The following CLPTM1L variants were observed in gnomAD, a reference collection of about 807,000 sequenced individuals.
CLPTM1L encodes the protein lipid scramblase CLPTM1L.
A neutral mutation model predicts 70.9 loss-of-function variants in CLPTM1L; 38 were observed. The observed-to-expected ratio is 0.54, with a 90% CI of 0.41 to 0.70. CLPTM1L has a LOEUF of 0.70. CLPTM1L is among the 30% of genes least tolerant of loss of function. The pLI, the probability that CLPTM1L is intolerant of heterozygous loss-of-function variation, is 0.00. For synonymous variants in CLPTM1L, 339 were observed against 299.9 expected, an observed-to-expected ratio of 1.13 and a Z score of -1.35; for missense variants, 652 against 705.9, an observed-to-expected ratio of 0.92 and a Z score of 0.87.
At chr5:1,333,814 C>G (rs1347493693) in intron 7 of CLPTM1L, among the ~76,000 whole-genome samples, 1 of 148,432 alleles carries the variant, frequency 6.7e-6, no homozygotes, top group African/African-American at 2.5e-5. Flanking sequence ...TAAGGGGGAA[C>G]TACTGTATAC....
At chr5:1,327,134 A>G (rs71213496) in intron 9 of CLPTM1L, among the ~76,000 whole-genome samples, 70 of 147,540 alleles carry the variant, frequency 4.7e-4, no homozygotes, top group Admixed American at 1.4e-3. Flanking sequence ...CCTCCTCTAC[A>G]GACACATTTC....
At chr5:1,319,665 C>T (rs1016714679) in intron 16 of CLPTM1L, among the ~76,000 whole-genome samples, 1 of 152,196 alleles carries the variant, frequency 6.6e-6, no homozygotes, top group African/African-American at 2.4e-5. Flanking sequence ...GGGAAGGGCA[C>T]AGGGAAGTGT....
chr5:1,339,054 C>A, intron 3 of CLPTM1L, 49 bp from the exon 4 acceptor site: 1 of 1,591,876 alleles, frequency 6.3e-7, no homozygotes, highest in South Asian at 1.1e-5. Flanking sequence ...AAAACCATGC[C>A]CAGGACAGCA....
Position 1,335,020 on chromosome 5 carries a change from C to T in CLPTM1L, c.796+37G>A, listed in dbSNP as rs190188803. ...CTTGGATGCCCGAGGGGCTCCAGGG[C>T]GGCCTCACCCAGGCGCCGGCCGTGT... On this transcript the variant is annotated intron_variant, in intron 6 of 16. Coordinates refer to ENST00000320895, the MANE Select transcript of CLPTM1L (RefSeq NM_030782.5). The T allele has an allele frequency of 6.1e-5, 93 of 1,535,856 alleles. 1 individual carries two copies. The highest frequency in any genetic ancestry group is 5.6e-4 in the African/African-American group (41 of 73,496).
chr5:1,335,032 G>A, intron 6 of CLPTM1L, 25 bp downstream of exon 6: 1 of 1,596,878 alleles, frequency 6.3e-7, no homozygotes, highest in South Asian at 1.1e-5. Flanking sequence ...GCCTCACCCA[G>A]GCGCCGGCCG....
chr5:1,334,770 C>T (rs1753451509), intron 6 of CLPTM1L, among the ~76,000 whole-genome samples: 1 of 152,036 alleles, frequency 6.6e-6, no homozygotes, highest in Non-Finnish European at 1.5e-5. Flanking sequence ...AACAAACAAA[C>T]AAACAAACAA....
In CLPTM1L at chr5:1,322,858, G is replaced by A. The variant is rs748444750; in HGVS notation, c.1315+19C>T. The A allele has an allele frequency of 4.3e-6, 7 of 1,612,776 alleles. No individual in the cohort carries two copies. The African/African-American group carries it at 8.0e-5, about 18-fold the overall frequency. Reference sequence around the variant, plus strand: ...TGCTGGAAACACTAGTACTGAAGCAGGGAAGCACATGGACTCACCGTTGAC... The same window carrying A: ...TGCTGGAAACACTAGTACTGAAGCAAGGAAGCACATGGACTCACCGTTGAC... On this transcript the variant is annotated intron_variant, in intron 13 of 16. Coordinates refer to ENST00000320895, the MANE Select transcript of CLPTM1L (RefSeq NM_030782.5).
chr5:1,325,620 C>T, intron 10 of CLPTM1L, 131 bp downstream of exon 10: 1 of 734,810 alleles, frequency 1.4e-6, no homozygotes, highest in Admixed American at 2.2e-5. Flanking sequence ...AGTGCTGCCT[C>T]CACCACGGAG....
chr5:1,322,345 G>A (rs1426186514), intron 13 of CLPTM1L, among the ~76,000 whole-genome samples: 2 of 152,208 alleles, frequency 1.3e-5, no homozygotes, highest in Non-Finnish European at 2.9e-5. Flanking sequence ...TGCCACCTGG[G>A]GCAGGCGGGC....
intron 7 of CLPTM1L, among the ~76,000 whole-genome samples, chr5:1,332,923 G>A (rs1408464297): frequency 6.6e-6 from 1 of 152,094 alleles, no homozygotes; most frequent in Non-Finnish European, 1.5e-5. Context: ...AACACCAGAT[G>A]AGGATAAGGG....
At chr5:1,330,427 C>A (rs1165979210) in intron 8 of CLPTM1L, 44 bp from the exon 9 acceptor site, 3 of 1,525,810 alleles carry the variant, frequency 2.0e-6, no homozygotes, top group Non-Finnish European at 1.8e-6. Flanking sequence ...CAGGGCAGAC[C>A]CCACCTGTGT....
intron 3 of CLPTM1L, among the ~76,000 whole-genome samples, chr5:1,340,260 G>C (rs898539750): frequency 2.0e-5 from 3 of 152,246 alleles, no homozygotes; most frequent in African/African-American, 7.2e-5. Flanking sequence ...ACACAGCCCT[G>C]TGGCTGTAAG....
At chr5:1,331,720 G>T in intron 8 of CLPTM1L, 79 bp downstream of exon 8, 1 of 1,237,226 alleles carries the variant, frequency 8.1e-7, no homozygotes. Context: ...CAGCAGTGAG[G>T]CAGGCAGCCC....
At chr5:1,320,468 G>A in intron 16 of CLPTM1L, 148 bp downstream of exon 16, 1 of 498,352 alleles carries the variant, frequency 2.0e-6, no homozygotes, top group Non-Finnish European at 3.6e-6. Flanking sequence ...CCCAAGTTTA[G>A]GCAAGACAGG....
chr5:1,336,850 G>A (rs1048763449), intron 5 of CLPTM1L, among the ~76,000 whole-genome samples: 8 of 152,322 alleles, frequency 5.3e-5, no homozygotes, highest in African/African-American at 7.2e-5. Context: ...CAGCAGTACA[G>A]GGGGACTGTT....
intron 2 of CLPTM1L, 123 bp from the exon 3 acceptor site, chr5:1,341,983 AC>A (rs1753964255): frequency 1.4e-6 from 1 of 739,870 alleles, no homozygotes; most frequent in South Asian, 1.9e-5. Flanking sequence ...TAAAAATGAA[AC>A]CCACCTGCCC....
Position 1,318,501 on chromosome 5 carries a change from A to ATTTT in CLPTM1L, c.1533-52_1533-49dup. 1 of 1,479,514 alleles carries ATTTT rather than the reference A, an allele frequency of 6.8e-7. No individual in the cohort carries two copies. Among genetic ancestry groups the ATTTT allele is most frequent in the Non-Finnish European group, 9.4e-7 (1 of 1,062,540 alleles). The allele number at this position is 1,479,514 out of a possible 1,614,324, so 91.6% of individuals were successfully genotyped here. Reference sequence around the variant, plus strand: ...ATCAGCAAACCCCACTGCAGGGGCTATTTTTCTAAGAGGAGGACTTGGCAT... The same window carrying ATTTT: ...ATCAGCAAACCCCACTGCAGGGGCTATTTTTTTTTCTAAGAGGAGGACTTGGCAT... On this transcript the variant is annotated intron_variant, in intron 16 of 16. Coordinates refer to ENST00000320895, the MANE Select transcript of CLPTM1L (RefSeq NM_030782.5). This position sits in a 1 kb window ranked among gnomAD's most constrained non-coding sequence, Gnocchi z 8.9.
intron 2 of CLPTM1L, 101 bp from the exon 3 acceptor site, chr5:1,341,961 G>A: frequency 1.1e-6 from 1 of 943,008 alleles, no homozygotes; most frequent in Non-Finnish European, 1.6e-6. Context: ...ACTAATTTTA[G>A]CTCAGAAGTA....
chr5:1,338,467 G>C, intron 4 of CLPTM1L: 1 of 278,368 alleles, frequency 3.6e-6, no homozygotes, highest in Non-Finnish European at 6.8e-6. Context: ...CCAAACACGT[G>C]AATTCCAATA....
Sources: gnomAD v4.1 joint callset for allele counts (sites outside exome capture counted in the v4.1 genomes callset) on GRCh38, gnomAD v4.1.1 for gene constraint, Gnocchi (gnomAD v3.1) non-coding constraint, MANE v1.5 for transcripts, NCBI Gene and HGNC (gene_info 2026-07-23, HGNC 2026-07-21) for gene names.